DOCK8: variants seen among roughly 807,000 people sequenced by gnomAD.
The protein encoded by DOCK8 is dedicator of cytokinesis protein 8.
A neutral mutation model predicts 245.6 loss-of-function variants in DOCK8; 141 were observed. The observed-to-expected ratio is 0.57, with a 90% CI of 0.50 to 0.66. The LOEUF is 0.66. Among genes scored for constraint, DOCK8 ranks in the 30% least tolerant of loss-of-function variants. DOCK8 has a pLI of 0.00. For missense variants in DOCK8, 2,965 were observed against 2,603.4 expected (o/e 1.14, Z -3.02); for synonymous variants, 1,168 against 970.2 (o/e 1.20, Z -3.79).
At chr9:452,758 C>G (rs1263411617) in intron 46 of DOCK8, 1 of 152,240 alleles carries the variant, frequency 6.6e-6, no homozygotes, top group Non-Finnish European at 1.5e-5. Context: ...AGGTATTATC[C>G]TGTGACAGTT....
intron 1 of DOCK8, among the ~76,000 whole-genome samples, chr9:257,836 CAGAT>C (rs1000910144): frequency 9.1e-4 from 138 of 152,268 alleles, no homozygotes; most frequent in African/African-American, 3.2e-3. Context: ...TGTGAAAACA[CAGAT>C]AGCTGGGCCC....
intron 1 of DOCK8, among the ~76,000 whole-genome samples, chr9:259,653 A>T (rs1447424280): frequency 6.6e-6 from 1 of 152,232 alleles, no homozygotes; most frequent in Non-Finnish European, 1.5e-5. Flanking sequence ...CTCAGTAAAT[A>T]GTGGCATCAT....
intron 23 of DOCK8, among the ~76,000 whole-genome samples, chr9:389,159 T>G (rs1171175421): frequency 6.6e-6 from 1 of 152,118 alleles, no homozygotes; most frequent in African/African-American, 2.4e-5. Flanking sequence ...AGATGTAAGG[T>G]TTTCTATTTT....
intron 14 of DOCK8, among the ~76,000 whole-genome samples, chr9:358,388 T>A (rs2052551862): frequency 6.6e-6 from 1 of 152,204 alleles, no homozygotes; most frequent in African/African-American, 2.4e-5. Context: ...GCCACTGTGC[T>A]CAACTGCTTC....
Position 377,059 on chromosome 9 carries a change from A to T in DOCK8, c.2288A>T (p.Lys763Ile). The T allele has an allele frequency of 6.2e-7, 1 of 1,613,736 alleles. No individual in the cohort carries two copies. Among genetic ancestry groups the T allele is most frequent in the Non-Finnish European group, 8.5e-7 (1 of 1,180,018 alleles). The change falls in exon 20 of 48, where the codon AAA (lysine) becomes ATA (isoleucine). Residue 763 changes from lysine to isoleucine, a missense_variant. By Grantham distance (102) the Lys-to-Ile change is moderately radical. Around this residue, in one of 3 missense-constraint regions of DOCK8, gnomAD observed 2,825 missense variants for 2,453.5 expected, o/e 1.15. Coordinates refer to ENST00000432829, the MANE Select transcript of DOCK8 (RefSeq NM_203447.4). Reference protein sequence around the residue: ...VTFPIRVLDQKISEMALEHEL... With the variant: ...VTFPIRVLDQIISEMALEHEL... ...TTCCCCATCCGCGTGCTGGATCAGA[A>T]AATCAGCGAGATGGCGCTGGAGCAT... is the stretch of plus-strand genomic sequence containing the variant.
chr9:341,971 C>T (rs1189842715), intron 14 of DOCK8, among the ~76,000 whole-genome samples: 5 of 152,182 alleles, frequency 3.3e-5, no homozygotes, highest in Non-Finnish European at 5.9e-5. Context: ...GATATTCTGT[C>T]GCTGTCTGCC....
intron 6 of DOCK8, among the ~76,000 whole-genome samples, chr9:316,551 A>G (rs368779706): frequency 1.1e-4 from 17 of 152,368 alleles, no homozygotes; most frequent in Admixed American, 4.6e-4. Context: ...TTAAGAAAAC[A>G]GTGAACTGAG....
intron 29 of DOCK8, among the ~76,000 whole-genome samples, chr9:416,266 TTTACAGAC>T: frequency 6.6e-6 from 1 of 152,316 alleles, no homozygotes; most frequent in East Asian, 1.9e-4. Flanking sequence ...GTTTTTAACA[TTTACAGAC>T]ATAATGCAGA....
chr9:298,601 A>G (rs2049372912), intron 4 of DOCK8, among the ~76,000 whole-genome samples: 1 of 149,840 alleles, frequency 6.7e-6, no homozygotes, highest in Admixed American at 6.8e-5. Context: ...GATAATGGAA[A>G]CAAGCACACA....
chr9:442,000 T>C lies in DOCK8; in HGVS notation c.5481T>C (p.His1827=), dbSNP rs1554708887. 3.1e-6 allele frequency: 5 copies of C among 1,614,014 alleles called. 1 individual carries two copies. In the Middle Eastern group the frequency reaches 8.3e-4, roughly 266 times the overall value. The change falls in exon 42 of 48, where the codon CAT becomes CAC. Residue 1827 remains histidine, a synonymous_variant. Transcript: ENST00000432829. ...TTACCAAGCTTCCTGAGATCTCACA[T>C]AGACTAGAGGTAAGAAAAGTGATTC... ...PAITKLPEIS[H]RLEAFYGQCF...
intron 33 of DOCK8, among the ~76,000 whole-genome samples, chr9:424,277 C>T (rs1405987006): frequency 6.7e-6 from 1 of 150,272 alleles, no homozygotes; most frequent in East Asian, 1.9e-4. Context: ...TGCCCAGCTG[C>T]ACCCTAGACT....
chr9:231,956 A>G (rs1399193676), intron 1 of DOCK8, among the ~76,000 whole-genome samples: 2 of 152,056 alleles, frequency 1.3e-5, no homozygotes, highest in Non-Finnish European at 2.9e-5. Context: ...GTGAGAGAGG[A>G]CATCCCTGTC....
At chr9:406,207 G>A (rs991470498) in intron 27 of DOCK8, among the ~76,000 whole-genome samples, 1 of 152,116 alleles carries the variant, frequency 6.6e-6, no homozygotes, top group African/African-American at 2.4e-5. Flanking sequence ...CAGAAGTGTA[G>A]CTGAGGCCGG....
chr9:316,231 G>T (rs7032918), intron 6 of DOCK8, among the ~76,000 whole-genome samples: 27 of 152,090 alleles, frequency 1.8e-4, no homozygotes, highest in African/African-American at 6.5e-4. Context: ...CCCTTGCGAT[G>T]GGCAGAGCAC....
intron 26 of DOCK8, among the ~76,000 whole-genome samples, chr9:400,977 T>TCACCACCACCAC (rs1397127411): frequency 2.1e-4 from 14 of 65,852 alleles, no homozygotes; most frequent in East Asian, 1.3e-3. Context: ...TCCTCCACCA[T>TCACCACCACCAC]CACCACCTCC....
intron 14 of DOCK8, among the ~76,000 whole-genome samples, chr9:343,222 A>G (rs1003818878): frequency 2.0e-5 from 3 of 152,304 alleles, no homozygotes; most frequent in Non-Finnish European, 2.9e-5. Flanking sequence ...CGAGGTGGCC[A>G]GACACAGTGG....
In DOCK8 at chr9:216,679, A is replaced by G. The variant is rs905131404; in HGVS notation, c.53+1650A>G. Among the ~76,000 whole-genome samples the G allele has an allele frequency of 6.6e-5, 10 of 152,080 alleles. No individual in the cohort carries two copies. In the East Asian group the frequency reaches 7.7e-4, roughly 12 times the overall value. On this transcript the variant is annotated intron_variant, in intron 1 of 47. Coordinates refer to ENST00000432829, the MANE Select transcript of DOCK8 (RefSeq NM_203447.4). Reference sequence around the variant, plus strand: ...CAAGGAGTATAGGGAATCAAACTGAAGTTACTGATGGGTGTATTATTTGCT... The same window carrying G: ...CAAGGAGTATAGGGAATCAAACTGAGGTTACTGATGGGTGTATTATTTGCT...
intron 14 of DOCK8, among the ~76,000 whole-genome samples, chr9:354,280 C>T (rs899938040): frequency 3.9e-5 from 6 of 152,052 alleles, no homozygotes; most frequent in African/African-American, 7.2e-5. Flanking sequence ...TGCAGTGGGC[C>T]GAGATCACAG....
intron 8 of DOCK8, 87 bp downstream of exon 8, chr9:325,824 A>G: frequency 8.1e-7 from 1 of 1,227,718 alleles, no homozygotes; most frequent in East Asian, 2.3e-5. Flanking sequence ...CTTTGCAGCA[A>G]GAACCTATCA....
Sources: allele counts gnomAD v4.1 joint callset (sites outside exome capture counted in the v4.1 genomes callset), GRCh38; gene constraint gnomAD v4.1.1; regional missense constraint gnomAD v4.1.1; transcripts MANE v1.5; gene names NCBI Gene and HGNC (gene_info 2026-07-23, HGNC 2026-07-21).